The following RAB6B variants were observed in gnomAD, a reference collection of about 807,000 sequenced individuals.
RAB6B encodes ras-related protein Rab-6B.
A neutral mutation model predicts 31.2 loss-of-function variants in RAB6B; 7 were observed. The ratio of observed to expected loss-of-function variants is 0.22; its 90% CI spans 0.13 to 0.42. The LOEUF is 0.42. RAB6B is among the 10% of genes least tolerant of loss of function. The probability of loss-of-function intolerance (pLI) is 1.00; values close to 1 mark genes in which losing one functional copy is unlikely to be tolerated. For missense variants in RAB6B, 149 were observed against 280.6 expected (o/e 0.53, Z 3.35); for synonymous variants, 105 against 104.9 (o/e 1.00, Z -0.01).
At chr3:133,829,174 C>A (rs1362222190) in intron 7 of RAB6B, among the ~76,000 whole-genome samples, 2 of 152,226 alleles carry the variant, frequency 1.3e-5, no homozygotes, top group African/African-American at 4.8e-5. Context: ...CAGCTCCCAG[C>A]CCTGGCCTCA....
In RAB6B at chr3:133,827,742, C is replaced by T. The variant is rs1431788664; in HGVS notation, c.*1046G>A. On this transcript the variant is annotated 3_prime_UTR_variant, in exon 8 of 8. Coordinates refer to ENST00000285208, the MANE Select transcript of RAB6B (RefSeq NM_016577.4). ...TCTTTCAAGGTGGTGGTTCTGCAGA[C>T]AACACCCCCCCCCCCCCCCGCCTCC... is the stretch of plus-strand genomic sequence containing the variant. 4.2e-6 allele frequency: 1 copy of T among 237,590 alleles called. No homozygotes were observed. The highest frequency in any genetic ancestry group is 3.5e-5 in the African/African-American group (1 of 28,272). The allele number at this position is 237,590 out of a possible 1,614,324, so 14.7% of individuals were successfully genotyped here. A position where few individuals can be genotyped will look rare whatever the true frequency, so the allele number is the denominator to read the frequency against.
At chr3:133,855,318 GGCCACAGT>G (rs1936059072) in intron 2 of RAB6B, among the ~76,000 whole-genome samples, 1 of 152,246 alleles carries the variant, frequency 6.6e-6, no homozygotes, top group Admixed American at 6.5e-5. Context: ...TGGCTCAGAA[GGCCACAGT>G]ACGGGTACTT....
chr3:133,844,579 G>GA (rs1293413344), intron 2 of RAB6B, among the ~76,000 whole-genome samples: 5 of 152,174 alleles, frequency 3.3e-5, no homozygotes, highest in African/African-American at 1.2e-4. Context: ...CCCTCCAACA[G>GA]AAAACTATTT....
In RAB6B at chr3:133,853,255, G is replaced by A. The variant is rs58463680; in HGVS notation, c.129+11329C>T. The stretch of plus-strand genomic sequence containing the variant: ...GGTATGAGTGTGTGTGAGCAGACAC[G>A]TGGATGAGTGGGGATACACATGTGT... On this transcript the variant is annotated intron_variant, in intron 2 of 7. Coordinates refer to ENST00000285208, the MANE Select transcript of RAB6B (RefSeq NM_016577.4). Among the ~76,000 whole-genome samples, 802 of 152,264 alleles carry A rather than the reference G, an allele frequency of 5.3e-3. 9 individuals carry two copies. Among genetic ancestry groups the A allele is most frequent in the African/African-American group, 0.018 (743 of 41,556 alleles).
intron 2 of RAB6B, among the ~76,000 whole-genome samples, chr3:133,861,390 G>GT (rs1410544191): frequency 6.6e-6 from 1 of 152,122 alleles, no homozygotes; most frequent in Non-Finnish European, 1.5e-5. Context: ...GGGTGAGGAG[G>GT]TAAGTGTGAG....
chr3:133,860,291 A>C (rs1241876896), intron 2 of RAB6B, among the ~76,000 whole-genome samples: 3 of 152,232 alleles, frequency 2.0e-5, no homozygotes. Flanking sequence ...CCTTAAATCC[A>C]GTGACTGGTG....
chr3:133,876,626 G>C (rs1001836215), intron 1 of RAB6B, among the ~76,000 whole-genome samples: 3 of 152,126 alleles, frequency 2.0e-5, no homozygotes, highest in African/African-American at 7.2e-5. Context: ...GGCAGTCAAA[G>C]GGGAAAAAAA....
intron 1 of RAB6B, among the ~76,000 whole-genome samples, chr3:133,895,062 C>G (rs1226561712): frequency 6.6e-6 from 1 of 152,186 alleles, no homozygotes; most frequent in Non-Finnish European, 1.5e-5. Context: ...GCAGTGTGAG[C>G]TAGCCAGCGA....
rs146976105 is a variant in RAB6B at position 133,868,492 on chromosome 3, T to C, written c.71-3850A>G. On this transcript the variant is annotated intron_variant, in intron 1 of 7. Coordinates refer to ENST00000285208, the MANE Select transcript of RAB6B (RefSeq NM_016577.4). ...AGCTGTCCTCCTGCCAGCTCTGTTCTCAAGGTCACACCGCTGTGCTTCTAC... is the reference window on the plus strand; with the variant it reads ...AGCTGTCCTCCTGCCAGCTCTGTTCCCAAGGTCACACCGCTGTGCTTCTAC... Among the ~76,000 whole-genome samples the C allele has an allele frequency of 9.0e-3, 1,365 of 152,362 alleles. 93 individuals carry two copies. The highest frequency in any genetic ancestry group is 0.079 in the Admixed American group (1,211 of 15,306).
Position 133,828,827 on chromosome 3 carries a change from G to A in RAB6B, c.588C>T (p.Pro196=). ...EGMIDIKLDK[P]QEPPASEGGC... ...CGCCCTCGCTGGCCGGGGGCTCCTG[G>A]GGTTTGTCCAGCTTGATGTCGATCA... Residue 196 remains proline, a synonymous_variant, in exon 8 of 8, where the codon CCC becomes CCT. Transcript: ENST00000285208. 3.1e-6 allele frequency: 5 copies of A among 1,613,216 alleles called. No homozygotes were observed. The highest frequency in any genetic ancestry group is 4.2e-6 in the Non-Finnish European group (5 of 1,179,604).
intron 1 of RAB6B, among the ~76,000 whole-genome samples, chr3:133,880,235 A>AATACCCAAGGCTTAT: frequency 6.6e-6 from 1 of 152,246 alleles, no homozygotes; most frequent in South Asian, 2.1e-4. Context: ...TATATGCTTT[A>AATACCCAAGGCTTAT]ATACCCAAGG....
rs571615149 is a variant in RAB6B at position 133,836,605 on chromosome 3, G to A, written c.495+1561C>T. On this transcript the variant is annotated intron_variant, in intron 6 of 7. Coordinates refer to ENST00000285208, the MANE Select transcript of RAB6B (RefSeq NM_016577.4). The stretch of plus-strand genomic sequence containing the variant: ...CAGTGCCTCCCTGACCCTGACGGCT[G>A]AGGCAGATGCTACCTGCCCTATGGA... Among the ~76,000 whole-genome samples, 4 of 152,302 alleles carry A rather than the reference G, an allele frequency of 2.6e-5. No homozygotes were observed. The South Asian group carries it at 8.3e-4, about 32-fold the overall frequency.
chr3:133,869,860 G>A (rs1936291734), intron 1 of RAB6B, among the ~76,000 whole-genome samples: 1 of 152,192 alleles, frequency 6.6e-6, no homozygotes, highest in Non-Finnish European at 1.5e-5. Flanking sequence ...CCAGCCGGCA[G>A]ACTTCAAGCC....
chr3:133,851,975 A>G (rs1935990449), intron 2 of RAB6B, among the ~76,000 whole-genome samples: 2 of 152,014 alleles, frequency 1.3e-5, no homozygotes, highest in South Asian at 4.2e-4. Context: ...AAACGACCAC[A>G]CTTGGGTGTC....
chr3:133,892,819 C>T (rs1166837088), intron 1 of RAB6B, among the ~76,000 whole-genome samples: 2 of 152,216 alleles, frequency 1.3e-5, no homozygotes, highest in African/African-American at 4.8e-5. Context: ...CTCCACTGCA[C>T]AGGCTGCAGA....
chr3:133,872,472 G>A (rs1036193161), intron 1 of RAB6B, among the ~76,000 whole-genome samples: 5 of 152,190 alleles, frequency 3.3e-5, no homozygotes, highest in African/African-American at 1.2e-4. Flanking sequence ...CAGGCCCTGT[G>A]GTGACAAGTG....
chr3:133,849,890 G>A (rs1053109020), intron 2 of RAB6B, among the ~76,000 whole-genome samples: 1 of 152,118 alleles, frequency 6.6e-6, no homozygotes, highest in Non-Finnish European at 1.5e-5. Context: ...GCCTTGGCTG[G>A]GCCTCAGTTA....
At chr3:133,829,194 C>T (rs1349663194) in intron 7 of RAB6B, among the ~76,000 whole-genome samples, 2 of 152,234 alleles carry the variant, frequency 1.3e-5, no homozygotes, top group African/African-American at 4.8e-5. Flanking sequence ...AGCCCAGTTA[C>T]CTGTCAGCCC....
Position 133,895,562 on chromosome 3 carries a change from G to T in RAB6B, c.-96C>A. The T allele has an allele frequency of 4.0e-6, 5 of 1,242,108 alleles. No individual in the cohort carries two copies. The highest frequency in any genetic ancestry group is 5.8e-6 in the Non-Finnish European group (5 of 868,762). The allele number at this position is 1,242,108 out of a possible 1,614,324, so 76.9% of individuals were successfully genotyped here. On this transcript the variant is annotated 5_prime_UTR_variant, in exon 1 of 8. Transcript: ENST00000285208. ...GGCGAGGGGAGGCGGCCGGCGGTGCGGGAGCCGGAGGGGGAAGGGCTGGCT... is the reference window on the plus strand; with the variant it reads ...GGCGAGGGGAGGCGGCCGGCGGTGCTGGAGCCGGAGGGGGAAGGGCTGGCT...
Sources: gnomAD v4.1 joint callset for allele counts (sites outside exome capture counted in the v4.1 genomes callset) on GRCh38, gnomAD v4.1.1 for gene constraint, MANE v1.5 for transcripts, NCBI Gene and HGNC (gene_info 2026-07-23, HGNC 2026-07-21) for gene names.